MLXIPL: variants seen among roughly 807,000 people sequenced by gnomAD.
The protein encoded by MLXIPL is carbohydrate-responsive element-binding protein.
Under a neutral mutation model 81.5 loss-of-function variants are expected in MLXIPL, and 49 were observed. The observed-to-expected ratio is 0.60, with a 90% CI of 0.48 to 0.76. The LOEUF (loss-of-function observed/expected upper bound fraction) is 0.76, where lower values mean the gene tolerates loss of function less well. MLXIPL is among the 30% of genes least tolerant of loss of function. The probability of loss-of-function intolerance (pLI) is 0.00; values close to 1 mark genes in which losing one functional copy is unlikely to be tolerated. For missense variants in MLXIPL, 1,053 were observed against 1,167.0 expected (o/e 0.90, Z 1.42); for synonymous variants, 466 against 485.5 (o/e 0.96, Z 0.53).
At chr7:73,607,740 G>T in intron 2 of MLXIPL, 68 bp from the exon 3 acceptor site, 1 of 1,369,880 alleles carries the variant, frequency 7.3e-7, no homozygotes, top group Non-Finnish European at 1.0e-6. Context: ...AGGGGACTGG[G>T]ACTCAAGTGA....
the MLXIPL span, among the ~76,000 whole-genome samples, chr7:73,639,355 G>A: frequency 6.0e-4 from 91 of 152,332 alleles, 2 homozygotes; most frequent in South Asian, 0.012. Context: ...AATATTTCCA[G>A]GAGTGTGCAA....
upstream of MLXIPL, among the ~76,000 whole-genome samples, chr7:73,625,555 G>A (rs1002016896): frequency 5.3e-5 from 8 of 152,072 alleles, no homozygotes; most frequent in African/African-American, 1.4e-4. Flanking sequence ...CCAGGAGTTC[G>A]AAACCAGCCT....
chr7:73,602,396 C>T (rs192726981), intron 7 of MLXIPL, among the ~76,000 whole-genome samples: 106 of 150,356 alleles, frequency 7.0e-4, no homozygotes, highest in East Asian at 4.9e-3. Flanking sequence ...CCAGGCCAGG[C>T]GCGGTGGCTC....
At chr7:73,612,490 A>G (rs1444987521) in intron 2 of MLXIPL, among the ~76,000 whole-genome samples, 3 of 151,830 alleles carry the variant, frequency 2.0e-5, no homozygotes, top group African/African-American at 4.8e-5. Context: ...AAAATACAAA[A>G]AATTAGCCGG....
chr7:73,604,271 G>A (rs1215830772), intron 7 of MLXIPL, among the ~76,000 whole-genome samples: 3 of 143,622 alleles, frequency 2.1e-5, no homozygotes, highest in Non-Finnish European at 3.0e-5. Context: ...GCATGCCTGG[G>A]ATTTTCTTTA....
At position 73,597,319 on chromosome 7, in the gene MLXIPL, G is replaced by A. The variant is rs1276584472; in HGVS notation, c.1466C>T (p.Ser489Phe). ...GGCGGGGGGCTTGCCTCTGGGCATG[G>A]AGAAGCAAGGCCCAAAGGCAGGCTC... ...YSEPAFGPCF[S>F]MPRGKPPAPS... is the part of the protein sequence containing the mutation. Residue 489 changes from serine to phenylalanine, a missense_variant, in exon 9 of 17, where the codon TCC becomes TTC. By Grantham distance (155) the Ser-to-Phe change is radical. Coordinates refer to ENST00000313375, the MANE Select transcript of MLXIPL (RefSeq NM_032951.3). The A allele has an allele frequency of 1.3e-6, 2 of 1,558,018 alleles. No homozygotes were observed. Among genetic ancestry groups the A allele is most frequent in the Non-Finnish European group, 1.7e-6 (2 of 1,152,486 alleles).
intron 7 of MLXIPL, among the ~76,000 whole-genome samples, chr7:73,600,936 C>T (rs1794768165): frequency 6.6e-6 from 1 of 152,106 alleles, no homozygotes; most frequent in East Asian, 1.9e-4. Flanking sequence ...TTCCGGGCAC[C>T]TTTCTCTGAC....
chr7:73,628,241 G>A (rs1281788228), upstream of MLXIPL, among the ~76,000 whole-genome samples: 2 of 151,872 alleles, frequency 1.3e-5, no homozygotes, highest in African/African-American at 2.4e-5. Flanking sequence ...TGTCTCCTGC[G>A]GTTTCAGGGA....
upstream of MLXIPL, among the ~76,000 whole-genome samples, chr7:73,624,911 A>G (rs1448467955): frequency 9.2e-5 from 14 of 152,080 alleles, no homozygotes; most frequent in African/African-American, 3.1e-4. Flanking sequence ...AAATGCAAAA[A>G]TTAGCCGGAC....
rs374144937 is a variant in MLXIPL at position 73,596,204 on chromosome 7, A to G, written c.2007T>C (p.Phe669=). ...TGCTCACGAGCCCATGAAGGGTGTC[A>G]AACCCCAGCTTGATGTTGAAGCGCC... ...QKRRFNIKLG[F]DTLHGLVSTL... Residue 669 remains phenylalanine (F), a synonymous_variant, in exon 13 of 17, where the codon TTT becomes TTC. Coordinates refer to ENST00000313375, the MANE Select transcript of MLXIPL (RefSeq NM_032951.3). This position sits in a 1 kb window ranked among gnomAD's most constrained non-coding sequence, Gnocchi z 4.7. 3.3e-5 allele frequency: 53 copies of G among 1,613,458 alleles called. No individual in the cohort carries two copies. The highest frequency in any genetic ancestry group is 5.9e-6 in the Non-Finnish European group (7 of 1,179,982).
At chr7:73,606,188 C>A in intron 5 of MLXIPL, 77 bp from the exon 6 acceptor site, 1 of 1,445,058 alleles carries the variant, frequency 6.9e-7, no homozygotes, top group Admixed American at 2.0e-5. Context: ...TCTCCAGGGT[C>A]AAGTGGTCAG....
rs782449502 is a variant in MLXIPL, at chr7:73,596,227, G to A, written c.1984C>T (p.Arg662Cys). 2.5e-6 allele frequency: 4 copies of A among 1,613,534 alleles called. No individual in the cohort carries two copies. The highest frequency in any genetic ancestry group is 2.2e-5 in the East Asian group (1 of 44,832). The part of the protein sequence containing the change: ...ITHISAEQKR[R>C]FNIKLGFDTL... ...TCAAACCCCAGCTTGATGTTGAAGC[G>A]CCGCTTCTGCTCCGCGGAGATGTGT... Residue 662 changes from arginine to cysteine, a missense_variant, in exon 13 of 17, where the codon CGC (arginine) becomes TGC (cysteine). Transcript: ENST00000313375. This position sits in a 1 kb window ranked among gnomAD's most constrained non-coding sequence, Gnocchi z 4.7.
At chr7:73,637,686 C>T in the MLXIPL span, among the ~76,000 whole-genome samples, 2 of 152,040 alleles carry the variant, frequency 1.3e-5, no homozygotes, top group Non-Finnish European at 2.9e-5. Flanking sequence ...GATGGCAGGG[C>T]TGAGATTTGA....
chr7:73,632,154 A>C, the MLXIPL span, among the ~76,000 whole-genome samples: 1 of 150,856 alleles, frequency 6.6e-6, no homozygotes, highest in South Asian at 2.1e-4. Flanking sequence ...TAATTTTTTA[A>C]ATTTTTTTAT....
Position 73,623,067 on chromosome 7 carries a change from T to G in MLXIPL, c.293+1133A>C, listed in dbSNP as rs541619213. ...CGCCCTGGCCGATCGGGTTGCAACA[T>G]GACCTGGGCCAGGGGCCAGAGCTTG... On this transcript the variant is annotated intron_variant, in intron 1 of 16. Coordinates refer to ENST00000313375, the MANE Select transcript of MLXIPL (RefSeq NM_032951.3). This position sits in a 1 kb window ranked among gnomAD's most constrained non-coding sequence, Gnocchi z 5.7. Among the ~76,000 whole-genome samples, 2 of 152,190 alleles carry G rather than the reference T, an allele frequency of 1.3e-5. No individual in the cohort carries two copies. The highest frequency in any genetic ancestry group is 2.1e-4 in the South Asian group (1 of 4,828).
At chr7:73,644,853 T>C in the MLXIPL span, among the ~76,000 whole-genome samples, 1 of 152,202 alleles carries the variant, frequency 6.6e-6, no homozygotes, top group African/African-American at 2.4e-5. Flanking sequence ...GCTGGATAAC[T>C]GGCCCCATGC....
At chr7:73,602,428 T>C (rs1165495907) in intron 7 of MLXIPL, among the ~76,000 whole-genome samples, 1 of 150,440 alleles carries the variant, frequency 6.6e-6, no homozygotes, top group Admixed American at 6.6e-5. Context: ...CCCAGCACTT[T>C]GAGAGGCTGA....
At chr7:73,639,978 T>C in the MLXIPL span, among the ~76,000 whole-genome samples, 2 of 151,678 alleles carry the variant, frequency 1.3e-5, no homozygotes, top group Admixed American at 6.6e-5. Context: ...GGCAGGAGAA[T>C]GGTGTGAACC....
intron 16 of MLXIPL, 34 bp downstream of exon 16, chr7:73,594,240 G>A: frequency 6.2e-7 from 1 of 1,610,064 alleles, no homozygotes; most frequent in Non-Finnish European, 8.5e-7. Flanking sequence ...CCGAGGCTGG[G>A]TCCCTCTAGC....
Sources: allele counts gnomAD v4.1 joint callset (sites outside exome capture counted in the v4.1 genomes callset), GRCh38; gene constraint gnomAD v4.1.1; non-coding constraint Gnocchi (gnomAD v3.1); transcripts MANE v1.5; gene names NCBI Gene and HGNC (gene_info 2026-07-23, HGNC 2026-07-21).